Variants in ADGRB1 observed in about 807,000 individuals in gnomAD.
The protein encoded by ADGRB1 is brain-specific angiogenesis inhibitor 1.
A neutral mutation model predicts 175.7 loss-of-function variants in ADGRB1; 36 were observed. The observed-to-expected ratio is 0.20, with a 90% CI of 0.16 to 0.27. The LOEUF is 0.27. Among genes scored for constraint, ADGRB1 ranks in the 10% least tolerant of loss-of-function variants. ADGRB1 has a pLI of 1.00. For missense variants in ADGRB1, 1,731 were observed against 2,255.3 expected, an observed-to-expected ratio of 0.77 and a Z score of 4.71; for synonymous variants, 1,054 against 979.4, an observed-to-expected ratio of 1.08 and a Z score of -1.42.
At chr8:142,522,617 A>G in intron 21 of ADGRB1, 24 bp from the exon 22 acceptor site, 1 of 1,540,282 alleles carries the variant, frequency 6.5e-7, no homozygotes. Flanking sequence ...TGGGGCCAAC[A>G]CCCTCTCTCT....
rs560451564 is a variant in ADGRB1, at chr8:142,517,939, C to T, written c.2818-199C>T. The stretch of plus-strand genomic sequence containing the variant: ...GGCCCAACCTCACAGAGCACAGCCC[C>T]GAAAGGGAGTTCTGGAGGGCCTGGG... On this transcript the variant is annotated intron_variant, in intron 18 of 30. Coordinates refer to ENST00000517894, the MANE Select transcript of ADGRB1 (RefSeq NM_001702.3). Among the ~76,000 whole-genome samples the T allele has an allele frequency of 3.2e-3, 485 of 151,574 alleles. 6 individuals are homozygous for T. Among genetic ancestry groups the T allele is most frequent in the Non-Finnish European group, 9.3e-4 (63 of 67,928 alleles).
intron 18 of ADGRB1, among the ~76,000 whole-genome samples, chr8:142,517,684 C>T (rs1345197287): frequency 1.3e-5 from 2 of 152,044 alleles, no homozygotes; most frequent in Non-Finnish European, 2.9e-5. Flanking sequence ...GGCTGGATGG[C>T]ATCTTGGATG....
At chr8:142,517,178 G>C (rs550928476) in intron 18 of ADGRB1, among the ~76,000 whole-genome samples, 1 of 152,318 alleles carries the variant, frequency 6.6e-6, no homozygotes, top group East Asian at 1.9e-4. Flanking sequence ...GCTGGCCAGG[G>C]GCAGGGCCAG....
At chr8:142,457,201 C>T (rs1039325441) in intron 1 of ADGRB1, among the ~76,000 whole-genome samples, 18 of 152,182 alleles carry the variant, frequency 1.2e-4, no homozygotes, top group African/African-American at 4.1e-4. Context: ...TAACACAGCT[C>T]CTATCTTCCC....
rs1194586724 is a variant in ADGRB1, at chr8:142,511,339, T to C, written c.2817+266T>C. Among the ~76,000 whole-genome samples the C allele has an allele frequency of 6.6e-6, 1 of 151,852 alleles. No individual in the cohort carries two copies. The highest frequency in any genetic ancestry group is 2.4e-5 in the African/African-American group (1 of 41,354). On this transcript the variant is annotated intron_variant, in intron 18 of 30. Transcript: ENST00000517894. The surrounding 1 kb of genome is among the most constrained non-coding windows in gnomAD (Gnocchi z 4.5). ...GAAAGTGGCTGATGGGTGGGTCCCA[T>C]CTCCCCTGGCCTTGGAGGCCCGGGA...
chr8:142,459,585 C>T (rs529705759), intron 1 of ADGRB1, among the ~76,000 whole-genome samples: 88 of 152,344 alleles, frequency 5.8e-4, no homozygotes, highest in African/African-American at 1.8e-3. Flanking sequence ...AAGTACAGCA[C>T]GAAGCCCAGG....
intron 21 of ADGRB1, 42 bp from the exon 22 acceptor site, chr8:142,522,599 G>T: frequency 6.6e-7 from 1 of 1,519,504 alleles, no homozygotes; most frequent in Non-Finnish European, 8.9e-7. Context: ...GCTGGCTGGG[G>T]ACTTGGGTGG....
At chr8:142,514,020 C>T (rs1221678169) in intron 18 of ADGRB1, among the ~76,000 whole-genome samples, 2 of 151,808 alleles carry the variant, frequency 1.3e-5, no homozygotes. Context: ...GAGTGAGGAG[C>T]GTGAGCCCAG....
At chr8:142,465,743 A>G (rs968002173) in intron 2 of ADGRB1, among the ~76,000 whole-genome samples, 3 of 152,028 alleles carry the variant, frequency 2.0e-5, no homozygotes, top group African/African-American at 7.2e-5. Flanking sequence ...TTGCCATTGT[A>G]CCTGGAGGTC....
rs1843065111 is a variant in ADGRB1 at position 142,510,906 on chromosome 8, C to T, written c.2676-26C>T. The T allele has an allele frequency of 1.9e-6, 2 of 1,068,140 alleles. No homozygotes were observed. The highest frequency in any genetic ancestry group is 2.3e-6 in the Non-Finnish European group (2 of 880,052). The allele number at this position is 1,068,140 out of a possible 1,614,324, so 66.2% of individuals were successfully genotyped here. A position where few individuals can be genotyped will look rare whatever the true frequency, so the allele number is the denominator to read the frequency against. On this transcript the variant is annotated intron_variant, in intron 17 of 30. Transcript: ENST00000517894. This position sits in a 1 kb window ranked among gnomAD's most constrained non-coding sequence, Gnocchi z 6.3. ...GCCGCCGCTGACGCTCCGCCTGTCT[C>T]CCTCCCGTGTCCCGCCCGCCCCCAG...
chr8:142,486,280 C>A (rs930788792), intron 13 of ADGRB1, among the ~76,000 whole-genome samples: 2 of 152,168 alleles, frequency 1.3e-5, no homozygotes, highest in Non-Finnish European at 2.9e-5. Flanking sequence ...TTTATGCAAA[C>A]CAGATGAAAG....
chr8:142,453,109 G>A (rs1309690239), intron 1 of ADGRB1, among the ~76,000 whole-genome samples: 1 of 141,972 alleles, frequency 7.0e-6, no homozygotes, highest in East Asian at 2.2e-4. Context: ...CGTCTCGGCC[G>A]GAGCCCCCCT....
intron 18 of ADGRB1, 87 bp from the exon 19 acceptor site, chr8:142,518,051 T>A: frequency 7.8e-7 from 1 of 1,287,192 alleles, no homozygotes; most frequent in Non-Finnish European, 1.1e-6. Flanking sequence ...GACCCGGGGC[T>A]GCGGGCTCTC....
intron 17 of ADGRB1, among the ~76,000 whole-genome samples, chr8:142,501,913 G>GAT (rs1842581976): frequency 3.5e-5 from 1 of 28,270 alleles, no homozygotes; most frequent in Non-Finnish European, 7.7e-5. Flanking sequence ...TGGTGATGGT[G>GAT]GTGGCGGTGA....
chr8:142,522,622 C>G lies in ADGRB1; in HGVS notation c.3176-19C>G, dbSNP rs982390422. The stretch of plus-strand genomic sequence containing the variant: ...GGGACTTGGGTGGGGCCAACACCCT[C>G]TCTCTGCTCCTTCTCCAGGGCTCCC... On this transcript the variant is annotated intron_variant, in intron 21 of 30. Transcript: ENST00000517894. 6.5e-7 allele frequency: 1 copy of G among 1,545,528 alleles called. No homozygotes were observed. Among genetic ancestry groups the G allele is most frequent in the African/African-American group, 1.4e-5 (1 of 72,440 alleles).
Position 142,533,281 on chromosome 8 carries a change from C to T in ADGRB1, c.3399-14C>T. ...AGGGGCGGGGGCGGCAGCGCTGACA[C>T]CCTCCATCCCCAGGGCCTCCCTGTG... On this transcript the variant is annotated splice_polypyrimidine_tract_variant and intron_variant, in intron 24 of 30. Transcript: ENST00000517894. 2 of 1,505,402 alleles carry T rather than the reference C, an allele frequency of 1.3e-6. No homozygotes were observed. Among genetic ancestry groups the T allele is most frequent in the Non-Finnish European group, 1.8e-6 (2 of 1,124,728 alleles). 93.3% of individuals were successfully genotyped at this position (1,505,402 alleles called of 1,614,324 possible). A position where few individuals can be genotyped will look rare whatever the true frequency, so the allele number is the denominator to read the frequency against.
In ADGRB1 at chr8:142,537,499, G is replaced by A. The variant is rs1217110665; in HGVS notation, c.3666+417G>A. Among the ~76,000 whole-genome samples, 1 of 151,862 alleles carries A rather than the reference G, an allele frequency of 6.6e-6. No individual in the cohort carries two copies. Among genetic ancestry groups the A allele is most frequent in the Non-Finnish European group, 1.5e-5 (1 of 67,956 alleles). On this transcript the variant is annotated intron_variant, in intron 26 of 30. Coordinates refer to ENST00000517894, the MANE Select transcript of ADGRB1 (RefSeq NM_001702.3). This position sits in a 1 kb window ranked among gnomAD's most constrained non-coding sequence, Gnocchi z 4.6. ...GCCACCTAGGGGTCCAGCCTAGCCT[G>A]CCCATCCCCTCCCCCTACCCCGCAT...
At position 142,543,407 on chromosome 8, in the gene ADGRB1, G is replaced by T; in HGVS notation, c.4418G>T (p.Arg1473Leu). The T allele has an allele frequency of 6.2e-7, 1 of 1,613,790 alleles. No individual in the cohort carries two copies. Among genetic ancestry groups the T allele is most frequent in the Non-Finnish European group, 8.5e-7 (1 of 1,179,804 alleles). ...GCAAACCCCTTCTCCCTGCAGCGGC[G>T]GAAGTCGCGGTATGCAGAACTGGAC... The part of the protein sequence containing the change: ...ATLSVSSLER[R>L]KSRYAELDFE... Residue 1473 changes from arginine to leucine, a missense_variant, in exon 29 of 31, where the codon CGG becomes CTG. Physicochemically the swap from Arg to Leu is moderately radical, Grantham distance 102 (BLOSUM62 -2). Transcript: ENST00000517894. This position sits in a 1 kb window ranked among gnomAD's most constrained non-coding sequence, Gnocchi z 4.4.
Position 142,501,549 on chromosome 8 carries a change from TGTG to T in ADGRB1, c.2676-9370_2676-9368del, listed in dbSNP as rs1269296133. On this transcript the variant is annotated intron_variant, in intron 17 of 30. Transcript: ENST00000517894. ...GGTGGGGTGGTGGTGGTGATGGTGATGTGGTGGTGGTGGTGATGGTGGTGGCGG... is the reference window on the plus strand; with the variant it reads ...GGTGGGGTGGTGGTGGTGATGGTGATGTGGTGGTGGTGATGGTGGTGGCGG... Among the ~76,000 whole-genome samples, 112 of 108,760 alleles carry T rather than the reference TGTG, an allele frequency of 1.0e-3. 3 individuals carry two copies. The highest frequency in any genetic ancestry group is 3.1e-3 in the African/African-American group (71 of 22,896). The allele number at this position is 108,760 out of a possible 152,430, so 71.4% of individuals were successfully genotyped here.
Sources: gnomAD v4.1 joint callset for allele counts (sites outside exome capture counted in the v4.1 genomes callset) on GRCh38, gnomAD v4.1.1 for gene constraint, Gnocchi (gnomAD v3.1) non-coding constraint, MANE v1.5 for transcripts, NCBI Gene and HGNC (gene_info 2026-07-23, HGNC 2026-07-21) for gene names.